CD6: variants seen among roughly 807,000 people sequenced by gnomAD.
The protein encoded by CD6 is CD6 molecule.
Under a neutral mutation model 75.3 loss-of-function variants are expected in CD6, and 53 were observed. The observed-to-expected ratio is 0.70, with a 90% CI of 0.56 to 0.88. CD6 has a LOEUF of 0.88. CD6 is among the 40% of genes least tolerant of loss of function. The probability of loss-of-function intolerance (pLI) is 0.00; values close to 1 mark genes in which losing one functional copy is unlikely to be tolerated. For missense variants in CD6, 770 were observed against 897.1 expected (o/e 0.86, Z 1.81); for synonymous variants, 359 against 381.5 (o/e 0.94, Z 0.69).
At position 61,017,833 on chromosome 11, in the gene CD6, G is replaced by T. The variant is rs755289704; in HGVS notation, c.1657G>T (p.Gly553Cys). The stretch of plus-strand genomic sequence containing the variant: ...CTGCATTACAGACCCGCCATCCCTG[G>T]GCCCTCAGTATCACCCGAGGAGCAA... The part of the protein sequence containing the change: ...GHCITDPPSL[G>C]PQYHPRSNSE... Residue 553 changes from glycine (G) to cysteine (C), a missense_variant, in exon 11 of 13, where the codon GGC becomes TGC. Transcript: ENST00000313421. 2.5e-6 allele frequency: 4 copies of T among 1,613,868 alleles called. No individual in the cohort carries two copies. Among genetic ancestry groups the T allele is most frequent in the Non-Finnish European group, 3.4e-6 (4 of 1,180,018 alleles).
chr11:60,990,586 T>G (rs1303298656), intron 1 of CD6, among the ~76,000 whole-genome samples: 1 of 152,160 alleles, frequency 6.6e-6, no homozygotes. Flanking sequence ...GTTTACACTT[T>G]TGCCGTATTT....
intron 1 of CD6, among the ~76,000 whole-genome samples, chr11:60,999,985 G>A (rs1858504693): frequency 6.6e-6 from 1 of 152,042 alleles, no homozygotes; most frequent in Non-Finnish European, 1.5e-5. Context: ...CAGGAGGGTG[G>A]AGGTGGCAGT....
At chr11:61,016,814 C>T (rs12271665) in intron 9 of CD6, 10,234 of 152,504 alleles carry the variant, frequency 0.067, 583 homozygotes, top group African/African-American at 0.16. Flanking sequence ...CCTGCTAACC[C>T]AGGGCTTCTG....
At chr11:61,011,455 G>A (rs189004701) in intron 6 of CD6, among the ~76,000 whole-genome samples, 1 of 152,156 alleles carries the variant, frequency 6.6e-6, no homozygotes, top group African/African-American at 2.4e-5. Context: ...TCAAGCAGGG[G>A]TCAGGGTCGG....
chr11:61,009,420 A>T (rs1859033717), intron 4 of CD6, 152 bp from the exon 5 acceptor site: 1 of 693,456 alleles, frequency 1.4e-6, no homozygotes, highest in Non-Finnish European at 2.3e-6. Context: ...CAAATGGGGC[A>T]GGTGACAGGG....
intron 1 of CD6, among the ~76,000 whole-genome samples, chr11:60,984,212 T>C (rs951754296): frequency 3.3e-5 from 5 of 152,214 alleles, no homozygotes; most frequent in Admixed American, 6.5e-5. Context: ...AGTTGTAACA[T>C]TATTGTTGAT....
At chr11:60,980,332 C>CCA (rs1554990332) in intron 1 of CD6, among the ~76,000 whole-genome samples, 2 of 151,920 alleles carry the variant, frequency 1.3e-5, no homozygotes, top group African/African-American at 4.8e-5. Context: ...GTGTGACCCC[C>CCA]ACGTTTACAA....
In CD6 at chr11:61,020,316, C is replaced by T. The variant is rs781026408; in HGVS notation, c.*998C>T. ...GCCCCCAGAGAGAGGCCCATGGGCTCAGACCAGGCTTTGTTGTCCTGCTCT... is the reference window on the plus strand; with the variant it reads ...GCCCCCAGAGAGAGGCCCATGGGCTTAGACCAGGCTTTGTTGTCCTGCTCT... On this transcript the variant is annotated 3_prime_UTR_variant, in exon 13 of 13. Transcript: ENST00000313421. 23 of 398,882 alleles carry T rather than the reference C, an allele frequency of 5.8e-5. No individual in the cohort carries two copies. Among genetic ancestry groups the T allele is most frequent in the Non-Finnish European group, 8.8e-5 (20 of 226,080 alleles). The allele number at this position is 398,882 out of a possible 1,614,324, so 24.7% of individuals were successfully genotyped here.
At chr11:60,976,492 C>T (rs1857367836) in intron 1 of CD6, among the ~76,000 whole-genome samples, 1 of 152,160 alleles carries the variant, frequency 6.6e-6, no homozygotes, top group African/African-American at 2.4e-5. Flanking sequence ...TTACATTTAA[C>T]ACCATTGGAT....
chr11:60,996,252 G>A (rs572488301), intron 1 of CD6, among the ~76,000 whole-genome samples: 10 of 152,286 alleles, frequency 6.6e-5, no homozygotes, highest in African/African-American at 1.9e-4. Context: ...ACGGGTGCTC[G>A]ACGTGCCTTG....
At chr11:60,983,941 T>G (rs1444252361) in intron 1 of CD6, among the ~76,000 whole-genome samples, 1 of 152,196 alleles carries the variant, frequency 6.6e-6, no homozygotes, top group Non-Finnish European at 1.5e-5. Context: ...GTCTGATGGT[T>G]CTTCATGGTT....
In CD6 at chr11:61,017,815, A is replaced by G; in HGVS notation, c.1639A>G (p.Thr547Ala). Reference sequence around the variant, plus strand: ...AACTGCCAACCCTGGACACTGCATTACAGACCCGCCATCCCTGGGCCCTCA... The same window carrying G: ...AACTGCCAACCCTGGACACTGCATTGCAGACCCGCCATCCCTGGGCCCTCA... Reference protein sequence around the residue: ...IPTANPGHCITDPPSLGPQYH... With the variant: ...IPTANPGHCIADPPSLGPQYH... The change falls in exon 11 of 13, where the codon ACA becomes GCA. Residue 547 changes from threonine (T) to alanine (A), a missense_variant. Thr to Ala is a moderately conservative substitution (Grantham distance 58). Coordinates refer to ENST00000313421, the MANE Select transcript of CD6 (RefSeq NM_006725.5). 1 of 1,614,082 alleles carries G rather than the reference A, an allele frequency of 6.2e-7. No individual in the cohort carries two copies. Among genetic ancestry groups the G allele is most frequent in the Admixed American group, 1.7e-5 (1 of 60,010 alleles).
At chr11:60,985,030 T>C (rs1857745875) in intron 1 of CD6, 1 of 152,232 alleles carries the variant, frequency 6.6e-6, no homozygotes, top group Non-Finnish European at 1.5e-5. Context: ...AAGAATTTTG[T>C]ACATCAACTC....
chr11:60,999,979 A>G (rs1858504514), intron 1 of CD6, among the ~76,000 whole-genome samples: 1 of 152,042 alleles, frequency 6.6e-6, no homozygotes. Flanking sequence ...TTGAATCAGG[A>G]GGGTGGAGGT....
chr11:61,009,602 C>A lies in CD6; in HGVS notation c.812C>A (p.Ala271Asp), dbSNP rs1257438912. The change falls in exon 5 of 13, where the codon GCT (alanine) becomes GAT (aspartate). Residue 271 changes from alanine (A) to aspartate (D), a missense_variant. Physicochemically the swap from Ala to Asp is moderately radical, Grantham distance 126. Transcript: ENST00000313421. ...EHQSWRLTGGADRCEGQVEVH... is the reference protein window; with the variant it reads ...EHQSWRLTGGDDRCEGQVEVH... ...CAGTCCTGGCGCCTGACAGGGGGCG[C>A]TGACCGCTGCGAGGGGCAGGTGGAG... The A allele has an allele frequency of 1.9e-5, 30 of 1,611,420 alleles. No individual in the cohort carries two copies. Among genetic ancestry groups the A allele is most frequent in the Non-Finnish European group, 2.5e-5 (30 of 1,178,994 alleles).
At chr11:60,987,921 G>T (rs1857894982) in intron 1 of CD6, 1 of 152,230 alleles carries the variant, frequency 6.6e-6, no homozygotes, top group Non-Finnish European at 1.5e-5. Flanking sequence ...ATGGGGCCTG[G>T]CCCAGAGCCT....
chr11:60,973,065 G>A (rs1857247594), intron 1 of CD6, among the ~76,000 whole-genome samples: 1 of 152,222 alleles, frequency 6.6e-6, no homozygotes, highest in South Asian at 2.1e-4. Context: ...GACTGTCCGA[G>A]AGTGGCCCCC....
intron 6 of CD6, 43 bp downstream of exon 6, chr11:61,011,178 C>CATGTGTGTGT (rs3220042): frequency 3.3e-6 from 3 of 898,668 alleles, no homozygotes; most frequent in African/African-American, 1.7e-5. Context: ...GAAGCTTGGA[C>CATGTGTGTGT]GTGTGTGTGT....
intron 1 of CD6, among the ~76,000 whole-genome samples, chr11:60,973,994 C>G (rs1857280513): frequency 2.0e-5 from 3 of 152,160 alleles, no homozygotes; most frequent in African/African-American, 2.4e-5. Flanking sequence ...TCAGCAGGCC[C>G]AAATGCTAGC....
Sources: allele counts gnomAD v4.1 joint callset (sites outside exome capture counted in the v4.1 genomes callset), GRCh38; gene constraint gnomAD v4.1.1; transcripts MANE v1.5; gene names NCBI Gene and HGNC (gene_info 2026-07-23, HGNC 2026-07-21).